IFNA4: variants seen among roughly 807,000 people sequenced by gnomAD.
The protein encoded by IFNA4 is interferon alpha-4.
For missense variants in IFNA4, 225 were observed against 214.9 expected, an observed-to-expected ratio of 1.05 and a Z score of -0.29; for synonymous variants, 84 against 86.0, an observed-to-expected ratio of 0.98 and a Z score of 0.13.
At chr9:21,187,515 G>C in exon 1 of IFNA4, 1 of 1,609,652 alleles carries the variant, frequency 6.2e-7, no homozygotes, top group Non-Finnish European at 8.5e-7. Flanking sequence ...CATCAGTAAA[G>C]AAAAGGACAG....
rs1062574 is a variant in IFNA4 at position 21,187,116 on chromosome 9, G to A, written c.416C>T (p.Ser139Phe). ...GAAGTATTTCCTCACAGCCAGGATG[G>A]AGTCCTCATTCATCAGGGGAGTCTC... is the stretch of plus-strand genomic sequence containing the variant. The change falls in exon 1 of 1, where the codon TCC becomes TTC. Residue 139 changes from serine to phenylalanine, a missense_variant. Coordinates refer to ENST00000421715, the Ensembl canonical transcript of IFNA4. The A allele has an allele frequency of 2.3e-4, 366 of 1,614,040 alleles. 1 individual carries two copies. The East Asian group carries it at 4.3e-3, about 19-fold the overall frequency.
exon 1 of IFNA4, chr9:21,186,854 G>C: frequency 6.4e-7 from 1 of 1,551,562 alleles, no homozygotes; most frequent in Admixed American, 2.0e-5. Flanking sequence ...TGAAAATTTT[G>C]ATTCAACTCG....
exon 1 of IFNA4, chr9:21,187,382 G>T: frequency 6.2e-7 from 1 of 1,614,182 alleles, no homozygotes; most frequent in African/African-American, 1.3e-5. Flanking sequence ...TCAGGCAGGA[G>T]AAATGAGAGA....
exon 1 of IFNA4, chr9:21,187,310 A>G: frequency 1.2e-6 from 2 of 1,613,954 alleles, no homozygotes; most frequent in South Asian, 1.1e-5. Context: ...AGATGGCTTG[A>G]GCCTTCTGGA....
chr9:21,186,849 A>G, exon 1 of IFNA4: 1 of 1,544,408 alleles, frequency 6.5e-7, no homozygotes, highest in African/African-American at 1.4e-5. Context: ...ACATTTGAAA[A>G]TTTTGATTCA....
At chr9:21,187,364 T>C in exon 1 of IFNA4, 2 of 1,614,208 alleles carry the variant, frequency 1.2e-6, no homozygotes, top group Non-Finnish European at 1.7e-6. Flanking sequence ...CGAAATCATG[T>C]CTGTCCTTCA....
rs1249242735 is a variant in IFNA4, at chr9:21,186,806, AG to A, written c.*155del. 4.4e-6 allele frequency: 5 copies of A among 1,137,518 alleles called. No homozygotes were observed. The East Asian group carries it at 9.7e-5, about 22-fold the overall frequency. 70.5% of individuals were successfully genotyped at this position (1,137,518 alleles called of 1,614,324 possible). A position where few individuals can be genotyped will look rare whatever the true frequency, so the allele number is the denominator to read the frequency against. ...ATCTGTAAAGGACTAGTGCCTGCACAGGTATACACCAAGCTTCTTCACACTG... is the reference window on the plus strand; with the variant it reads ...ATCTGTAAAGGACTAGTGCCTGCACAGTATACACCAAGCTTCTTCACACTG... On this transcript the variant is annotated 3_prime_UTR_variant, in exon 1 of 1. Transcript: ENST00000421715.
exon 1 of IFNA4, chr9:21,187,009 G>A (rs1817913483): frequency 1.2e-6 from 2 of 1,614,102 alleles, no homozygotes; most frequent in African/African-American, 1.3e-5. Flanking sequence ...GAAAACGAGA[G>A]GGATCTCATG....
In IFNA4 at chr9:21,187,398, C is replaced by T. The variant is rs1817923895; in HGVS notation, c.134G>A (p.Gly45Glu). ...CAGGCAGGAGAAATGAGAGATTCTT[C>T]CCATTTGTGCCAGGAGTATCAAGGC... Residue 45 changes from glycine to glutamate, a missense_variant, in exon 1 of 1, where the codon GGA (glycine) becomes GAA (glutamate). By Grantham distance (98) the Gly-to-Glu change is moderately conservative. Transcript: ENST00000421715. The T allele has an allele frequency of 1.9e-6, 3 of 1,614,148 alleles. No homozygotes were observed. Among genetic ancestry groups the T allele is most frequent in the Middle Eastern group, 3.3e-4 (2 of 6,062 alleles).
At chr9:21,186,785 G>T (rs1268075193) in exon 1 of IFNA4, 4 of 828,352 alleles carry the variant, frequency 4.8e-6, no homozygotes, top group South Asian at 2.0e-5. Context: ...ATTGTCATCT[G>T]TAAAGGACTA....
At chr9:21,187,517 A>T (rs1430861107) in exon 1 of IFNA4, 2 of 1,609,650 alleles carry the variant, frequency 1.2e-6, no homozygotes, top group Non-Finnish European at 1.7e-6. Context: ...TCAGTAAAGA[A>T]AAGGACAGGG....
chr9:21,187,279 G>A, the IFNA4 span: 268 of 1,612,104 alleles, frequency 1.7e-4, no homozygotes, highest in Non-Finnish European at 2.2e-4. Context: ...AAGGTCTGCT[G>A]GATCATCTCA....
At chr9:21,186,918 T>A in exon 1 of IFNA4, 1 of 1,608,448 alleles carries the variant, frequency 6.2e-7, no homozygotes, top group South Asian at 1.1e-5. Context: ...AAGTGTGAGA[T>A]AATGTATTAG....
rs756212770 is a variant in IFNA4 at position 21,187,003 on chromosome 9, A to C, written c.529T>G (p.Phe177Val). The change falls in exon 1 of 1, where the codon TTT (phenylalanine) becomes GTT (valine). Residue 177 changes from phenylalanine (F) to valine (V), a missense_variant. Physicochemically the swap from Phe to Val is conservative, Grantham distance 50 (BLOSUM62 -1). Transcript: ENST00000421715. ...AATCTTTTTTGCAAGTTTGTTGAAA[A>C]CGAGAGGGATCTCATGATTTCTGCT... The C allele has an allele frequency of 4.3e-6, 7 of 1,613,946 alleles. No homozygotes were observed. In the African/African-American group the frequency reaches 9.3e-5, roughly 22 times the overall value.
At chr9:21,186,705 C>G (rs1011676503) in exon 1 of IFNA4, 2 of 217,032 alleles carry the variant, frequency 9.2e-6, no homozygotes, top group Admixed American at 5.9e-5. Context: ...CTCATGATAT[C>G]ACATAAAAAA....
At chr9:21,187,080 G>A (rs779334761) in exon 1 of IFNA4, 3 of 1,614,150 alleles carry the variant, frequency 1.9e-6, no homozygotes, top group East Asian at 4.5e-5. Flanking sequence ...TAGATAAAGA[G>A]TGATTCTTTG....
exon 1 of IFNA4, chr9:21,186,709 T>G (rs1291143006): frequency 4.3e-6 from 1 of 230,152 alleles, no homozygotes; most frequent in Non-Finnish European, 8.1e-6. Context: ...TGATATCACA[T>G]AAAAAATAAT....
rs553257009 is a variant in IFNA4 at position 21,187,007 on chromosome 9, G to T, written c.525C>A (p.Leu175=). The T allele has an allele frequency of 8.7e-6, 14 of 1,614,128 alleles. No homozygotes were observed. In the African/African-American group the frequency reaches 1.7e-4, roughly 20 times the overall value. The stretch of plus-strand genomic sequence containing the variant: ...TTTTTTGCAAGTTTGTTGAAAACGA[G>T]AGGGATCTCATGATTTCTGCTCTGA... The change falls in exon 1 of 1, where the codon CTC becomes CTA. Residue 175 remains leucine (L), a synonymous_variant. Coordinates refer to ENST00000421715, the Ensembl canonical transcript of IFNA4.
rs138903890 is a variant in IFNA4 at position 21,187,501 on chromosome 9, C to T, written c.31G>A (p.Val11Met). 3.2e-5 allele frequency: 52 copies of T among 1,611,808 alleles called. No individual in the cohort carries two copies. The highest frequency in any genetic ancestry group is 1.7e-4 in the Middle Eastern group (1 of 6,052). ...ATGGATTTGTAGCTGAGCACCAGCA[C>T]GGCCATCAGTAAAGAAAAGGACAGG... Residue 11 changes from valine to methionine, a missense_variant, in exon 1 of 1, where the codon GTG (valine) becomes ATG (methionine). Physicochemically the swap from Val to Met is conservative, Grantham distance 21. Coordinates refer to ENST00000421715, the Ensembl canonical transcript of IFNA4.
Sources: gnomAD v4.1 joint callset for allele counts on GRCh38, gnomAD v4.1.1 for gene constraint, MANE v1.5 for transcripts, NCBI Gene and HGNC (gene_info 2026-07-23, HGNC 2026-07-21) for gene names.